IGFL2: variants seen among roughly 807,000 people sequenced by gnomAD.
IGFL2 encodes the protein IGF like family member 2.
Under a neutral mutation model 13.9 loss-of-function variants are expected in IGFL2, and 7 were observed. The ratio of observed to expected loss-of-function variants is 0.51; its 90% CI spans 0.29 to 0.95. IGFL2 has a LOEUF of 0.95. IGFL2 is among the 40% of genes least tolerant of loss of function. The probability of loss-of-function intolerance (pLI) is 0.08; values close to 1 mark genes in which losing one functional copy is unlikely to be tolerated. For missense variants in IGFL2, 138 were observed against 147.8 expected (o/e 0.93, Z 0.34); for synonymous variants, 55 against 55.8 (o/e 0.99, Z 0.07).
chr19:46,151,386 T>C (rs938034121), intron 1 of IGFL2, among the ~76,000 whole-genome samples: 1 of 152,208 alleles, frequency 6.6e-6, no homozygotes, highest in African/African-American at 2.4e-5. Flanking sequence ...CCTAGCACTT[T>C]TGTTGAAATT....
At chr19:46,152,346 A>G (rs1241152773) in intron 1 of IGFL2, among the ~76,000 whole-genome samples, 1 of 150,786 alleles carries the variant, frequency 6.6e-6, no homozygotes. Context: ...GTGTGATCAT[A>G]GCTCAATGCA....
chr19:46,127,358 A>G, the IGFL2 span, among the ~76,000 whole-genome samples: 20 of 152,334 alleles, frequency 1.3e-4, no homozygotes, highest in African/African-American at 4.3e-4. Context: ...TTGCAAAGAA[A>G]GAAGAAGGAA....
chr19:46,119,258 A>G, the IGFL2 span, among the ~76,000 whole-genome samples: 1 of 152,142 alleles, frequency 6.6e-6, no homozygotes, highest in East Asian at 1.9e-4. Context: ...TGACTGTGGG[A>G]CTGGGGACAA....
chr19:46,156,208 A>G (rs758281660), intron 1 of IGFL2, among the ~76,000 whole-genome samples: 5 of 152,208 alleles, frequency 3.3e-5, no homozygotes, highest in African/African-American at 1.2e-4. Context: ...TTATCGATCA[A>G]TTTGGGGAAC....
chr19:46,144,264 A>T (rs1404785615), upstream of IGFL2, among the ~76,000 whole-genome samples: 1 of 152,214 alleles, frequency 6.6e-6, no homozygotes, highest in Admixed American at 6.5e-5. Context: ...ATAATTTCAT[A>T]TATTTTAAAT....
chr19:46,121,976 A>G, the IGFL2 span, among the ~76,000 whole-genome samples: 1 of 151,052 alleles, frequency 6.6e-6, no homozygotes, highest in South Asian at 2.1e-4. Flanking sequence ...AACAAACACA[A>G]CATAGTATTT....
chr19:46,120,296 C>T, the IGFL2 span: 59 of 1,610,228 alleles, frequency 3.7e-5, 2 homozygotes, highest in Admixed American at 9.7e-4. Context: ...CTCTTCTCCC[C>T]TTGTCTGCCG....
At chr19:46,124,630 A>T in the IGFL2 span, 1 of 1,609,176 alleles carries the variant, frequency 6.2e-7, no homozygotes, top group Non-Finnish European at 8.5e-7. Context: ...CTTGCCCAAG[A>T]TGCAGCATCG....
At chr19:46,196,422 G>A in the IGFL2 span, among the ~76,000 whole-genome samples, 2 of 151,824 alleles carry the variant, frequency 1.3e-5, no homozygotes, top group African/African-American at 4.8e-5. Context: ...ACAGCCCCTG[G>A]GTCAGCCCCA....
At chr19:46,176,386 A>C in the IGFL2 span, among the ~76,000 whole-genome samples, 1 of 152,082 alleles carries the variant, frequency 6.6e-6, no homozygotes, top group African/African-American at 2.4e-5. Context: ...GTTTGAGGCC[A>C]CTCGCCCACT....
the IGFL2 span, among the ~76,000 whole-genome samples, chr19:46,184,056 G>A: frequency 6.6e-6 from 1 of 152,152 alleles, no homozygotes; most frequent in South Asian, 2.1e-4. Context: ...ACTTTCCAGT[G>A]ATGATGGAGA....
chr19:46,181,209 A>G, the IGFL2 span: 1 of 151,912 alleles, frequency 6.6e-6, no homozygotes, highest in Non-Finnish European at 1.5e-5. Flanking sequence ...TTATTTATTT[A>G]TTTATTTATT....
At chr19:46,195,813 T>G in the IGFL2 span, 1 of 152,238 alleles carries the variant, frequency 6.6e-6, no homozygotes, top group Non-Finnish European at 1.5e-5. Context: ...TCTTCCGCTG[T>G]CCTGGGCCCT....
chr19:46,149,174 TCTTCTC>T (rs1193175606), intron 1 of IGFL2: 2,306 of 577,120 alleles, frequency 4.0e-3, no homozygotes, highest in Non-Finnish European at 5.3e-3. Context: ...TCTCTCTCTC[TCTTCTC>T]TCTCTCTTTC....
At chr19:46,094,680 C>T in the IGFL2 span, among the ~76,000 whole-genome samples, 1 of 152,142 alleles carries the variant, frequency 6.6e-6, no homozygotes, top group African/African-American at 2.4e-5. Flanking sequence ...GCTTTCCCCT[C>T]CCCTGCCCCC....
chr19:46,164,062 G>T (rs1293136760), downstream of IGFL2: 1 of 152,144 alleles, frequency 6.6e-6, no homozygotes, highest in Non-Finnish European at 1.5e-5. Context: ...GCCATGTTTT[G>T]GTAGAGCAGC....
chr19:46,100,827 G>GT, the IGFL2 span, among the ~76,000 whole-genome samples: 7 of 151,872 alleles, frequency 4.6e-5, no homozygotes, highest in South Asian at 2.1e-4. Flanking sequence ...TCCTTTCAGT[G>GT]TTTTTTTTCA....
the IGFL2 span, chr19:46,137,586 C>T: frequency 3.8e-6 from 4 of 1,056,358 alleles, no homozygotes; most frequent in Non-Finnish European, 5.8e-6. Flanking sequence ...GATGCTGCAA[C>T]AATACCTTTC....
At chr19:46,087,037 C>CT in the IGFL2 span, among the ~76,000 whole-genome samples, 1 of 152,160 alleles carries the variant, frequency 6.6e-6, no homozygotes, top group Non-Finnish European at 1.5e-5. Flanking sequence ...ATGTGCCTGT[C>CT]TTTGGGCCCC....
Sources: gnomAD v4.1 joint callset for allele counts (sites outside exome capture counted in the v4.1 genomes callset) on GRCh38, gnomAD v4.1.1 for gene constraint, MANE v1.5 for transcripts, NCBI Gene and HGNC (gene_info 2026-07-23, HGNC 2026-07-21) for gene names.